The following CSMD3 variants were observed in gnomAD, a reference collection of about 807,000 sequenced individuals.
CSMD3 encodes the protein CUB and Sushi multiple domains 3.
In CSMD3, 177 loss-of-function variants were observed where a neutral mutation model predicts 435.2. The ratio of observed to expected loss-of-function variants is 0.41; its 90% CI spans 0.36 to 0.46. The LOEUF (loss-of-function observed/expected upper bound fraction) is 0.46, where lower values mean the gene tolerates loss of function less well. CSMD3 is among the 20% of genes least tolerant of loss of function. The pLI is 0.34. For synonymous variants in CSMD3, 1,656 were observed against 1,520.5 expected, an observed-to-expected ratio of 1.09 and a Z score of -2.07; for missense variants, 4,265 against 4,504.6, an observed-to-expected ratio of 0.95 and a Z score of 1.52.
chr8:112,803,167 G>A (rs991938790), intron 12 of CSMD3, among the ~76,000 whole-genome samples: 1 of 152,126 alleles, frequency 6.6e-6, no homozygotes, highest in Non-Finnish European at 1.5e-5. Context: ...AATGGAAGAG[G>A]AAATGGATAA....
At chr8:113,408,863 C>T (rs6993017) in intron 1 of CSMD3, among the ~76,000 whole-genome samples, 58,933 of 151,672 alleles carry the variant, frequency 0.39, 11,780 homozygotes, top group Middle Eastern at 0.49. Context: ...TGGCATCTCG[C>T]CATGTTGACC....
At chr8:113,177,039 T>C (rs1039775327) in intron 3 of CSMD3, among the ~76,000 whole-genome samples, 1 of 151,480 alleles carries the variant, frequency 6.6e-6, no homozygotes, top group Non-Finnish European at 1.5e-5. Context: ...ATACATAAAA[T>C]TACAGATTTT....
intron 16 of CSMD3, among the ~76,000 whole-genome samples, chr8:112,681,913 C>G (rs1335777701): frequency 6.6e-6 from 1 of 151,728 alleles, no homozygotes. Context: ...CACACACACA[C>G]ATATATATGC....
intron 13 of CSMD3, among the ~76,000 whole-genome samples, chr8:112,733,406 TA>T (rs1264347431): frequency 6.6e-6 from 1 of 151,882 alleles, no homozygotes; most frequent in East Asian, 1.9e-4. Flanking sequence ...TAACATTAAG[TA>T]AAGTCTTTAA....
chr8:112,313,453 AGT>A (rs1822171806), intron 49 of CSMD3, among the ~76,000 whole-genome samples: 1 of 152,146 alleles, frequency 6.6e-6, no homozygotes, highest in Admixed American at 6.5e-5. Flanking sequence ...CATTTAAAGG[AGT>A]TCTTAAATAG....
intron 27 of CSMD3, among the ~76,000 whole-genome samples, chr8:112,534,943 C>G (rs1256725579): frequency 6.6e-6 from 1 of 152,124 alleles, no homozygotes; most frequent in African/African-American, 2.4e-5. Context: ...ATGATTATCT[C>G]AATAGATGCA....
chr8:113,109,122 A>C (rs2090565388), intron 4 of CSMD3, among the ~76,000 whole-genome samples: 1 of 152,206 alleles, frequency 6.6e-6, no homozygotes, highest in African/African-American at 2.4e-5. Flanking sequence ...TCAGATAAAG[A>C]CTCACACATA....
chr8:113,132,532 G>T (rs1206758577), intron 4 of CSMD3, among the ~76,000 whole-genome samples: 1 of 152,082 alleles, frequency 6.6e-6, no homozygotes, highest in Non-Finnish European at 1.5e-5. Flanking sequence ...AGATGTACCT[G>T]CTTCCTCTTT....
intron 40 of CSMD3, among the ~76,000 whole-genome samples, chr8:112,350,072 T>C (rs1021480853): frequency 2.0e-5 from 3 of 152,036 alleles, no homozygotes; most frequent in Non-Finnish European, 4.4e-5. Context: ...AGAGATACCA[T>C]CTACAAGCCA....
chr8:113,276,846 A>C (rs2093574952), intron 3 of CSMD3, among the ~76,000 whole-genome samples: 1 of 152,078 alleles, frequency 6.6e-6, no homozygotes, highest in Non-Finnish European at 1.5e-5. Flanking sequence ...ATTTTAAGTC[A>C]GCACATGCCA....
intron 13 of CSMD3, among the ~76,000 whole-genome samples, chr8:112,759,041 T>C (rs1384938821): frequency 2.0e-5 from 3 of 152,180 alleles, no homozygotes; most frequent in African/African-American, 7.2e-5. Context: ...TTCGAAGATA[T>C]ATAGATTTCT....
chr8:113,169,610 A>T (rs1473127941), intron 4 of CSMD3, among the ~76,000 whole-genome samples: 1 of 152,136 alleles, frequency 6.6e-6, no homozygotes, highest in African/African-American at 2.4e-5. Context: ...TGCCTTCTTA[A>T]ATCTTAATAT....
At chr8:112,516,115 G>A (rs896389963) in intron 28 of CSMD3, among the ~76,000 whole-genome samples, 5 of 152,034 alleles carry the variant, frequency 3.3e-5, no homozygotes, top group Non-Finnish European at 5.9e-5. Flanking sequence ...TCACTGTGAA[G>A]TTTATGGGTT....
intron 22 of CSMD3, among the ~76,000 whole-genome samples, chr8:112,602,344 C>T (rs755141841): frequency 1.3e-5 from 2 of 151,912 alleles, no homozygotes; most frequent in Non-Finnish European, 2.9e-5. Context: ...GGAGGGTGGA[C>T]CACCTGAGGT....
intron 38 of CSMD3, among the ~76,000 whole-genome samples, chr8:112,360,056 A>T (rs1482220296): frequency 2.0e-5 from 3 of 152,076 alleles, no homozygotes; most frequent in Non-Finnish European, 4.4e-5. Context: ...ATCAGAAACT[A>T]CCGAATACAA....
intron 61 of CSMD3, among the ~76,000 whole-genome samples, chr8:112,260,412 C>T (rs1242010080): frequency 1.2e-4 from 19 of 152,120 alleles, no homozygotes; most frequent in African/African-American, 2.4e-5. Context: ...ACTAATCCTA[C>T]GTACCCAGGA....
At chr8:113,335,770 T>C (rs1239219272) in intron 1 of CSMD3, among the ~76,000 whole-genome samples, 1 of 151,992 alleles carries the variant, frequency 6.6e-6, no homozygotes, top group Non-Finnish European at 1.5e-5. Flanking sequence ...AATTACATCC[T>C]GTTGGTCAAC....
intron 1 of CSMD3, among the ~76,000 whole-genome samples, chr8:113,434,665 G>C (rs1050451780): frequency 6.6e-6 from 1 of 152,144 alleles, no homozygotes; most frequent in African/African-American, 2.4e-5. Context: ...TTTTGCACAG[G>C]ATCAAAGAAG....
At chr8:112,342,702 T>G (rs1210972560) in intron 41 of CSMD3, among the ~76,000 whole-genome samples, 3 of 151,954 alleles carry the variant, frequency 2.0e-5, no homozygotes, top group Non-Finnish European at 2.9e-5. Context: ...GGGCTCTGAG[T>G]AAACGCGCAT....
Sources: allele counts gnomAD v4.1 joint callset (sites outside exome capture counted in the v4.1 genomes callset), GRCh38; gene constraint gnomAD v4.1.1; transcripts MANE v1.5; gene names NCBI Gene and HGNC (gene_info 2026-07-23, HGNC 2026-07-21).